The following BICC1 variants were observed in gnomAD, a reference collection of about 807,000 sequenced individuals.
The protein encoded by BICC1 is BicC family RNA binding protein 1.
In BICC1, 43 loss-of-function variants were observed where a neutral mutation model predicts 111.0. That is an observed-to-expected ratio of 0.39 (90% CI 0.30 to 0.50). The LOEUF is 0.50. BICC1 is among the 20% of genes least tolerant of loss of function. The pLI, the probability that BICC1 is intolerant of heterozygous loss-of-function variation, is 0.88. For missense variants in BICC1, 1,091 were observed against 1,203.2 expected, an observed-to-expected ratio of 0.91 and a Z score of 1.38; for synonymous variants, 467 against 434.4, an observed-to-expected ratio of 1.07 and a Z score of -0.93.
At chr10:58,592,196 T>A (rs911179105) in intron 1 of BICC1, among the ~76,000 whole-genome samples, 1 of 152,220 alleles carries the variant, frequency 6.6e-6, no homozygotes, top group African/African-American at 2.4e-5. Context: ...TGATGAGAAA[T>A]AACAAGCAGT....
At chr10:58,542,123 C>T (rs1442684516) in intron 1 of BICC1, among the ~76,000 whole-genome samples, 1 of 142,986 alleles carries the variant, frequency 7.0e-6, no homozygotes, top group African/African-American at 2.6e-5. Context: ...TGCACTCCAG[C>T]CCAGGTGACA....
intron 2 of BICC1, among the ~76,000 whole-genome samples, chr10:58,643,217 C>A (rs1045665894): frequency 1.3e-5 from 2 of 152,192 alleles, no homozygotes; most frequent in Non-Finnish European, 2.9e-5. Context: ...GATGATGTCA[C>A]TCTCAGATCG....
intron 3 of BICC1, among the ~76,000 whole-genome samples, chr10:58,752,682 A>G (rs1359354901): frequency 6.6e-6 from 1 of 152,202 alleles, no homozygotes; most frequent in African/African-American, 2.4e-5. Context: ...TCAAGAGCAC[A>G]TCTGCCCTGA....
intron 3 of BICC1, among the ~76,000 whole-genome samples, chr10:58,767,476 A>G (rs575904028): frequency 6.6e-6 from 1 of 152,230 alleles, no homozygotes; most frequent in East Asian, 1.9e-4. Flanking sequence ...GGAGATGACT[A>G]CTACTTCAGA....
At chr10:58,790,022 T>C in intron 8 of BICC1, 89 bp downstream of exon 8, 1 of 1,430,344 alleles carries the variant, frequency 7.0e-7, no homozygotes, top group Non-Finnish European at 9.5e-7. Context: ...ATGTGATATT[T>C]AGGAAAGCAC....
At chr10:58,737,128 G>T (rs1564583584) in intron 3 of BICC1, among the ~76,000 whole-genome samples, 1 of 151,568 alleles carries the variant, frequency 6.6e-6, no homozygotes, top group Non-Finnish European at 1.5e-5. Flanking sequence ...TAAGTTTTAG[G>T]GTACATGTGT....
At chr10:58,584,339 G>A (rs1429245109) in intron 1 of BICC1, among the ~76,000 whole-genome samples, 1 of 152,076 alleles carries the variant, frequency 6.6e-6, no homozygotes. Context: ...TGTGTTCTGA[G>A]CCCCCTTTTT....
At chr10:58,808,598 G>A (rs1056394863) in intron 17 of BICC1, among the ~76,000 whole-genome samples, 2 of 152,134 alleles carry the variant, frequency 1.3e-5, no homozygotes, top group African/African-American at 2.4e-5. Flanking sequence ...GTATAGCTTT[G>A]GTGAGGGACT....
At chr10:58,723,809 T>C (rs1239844259) in intron 3 of BICC1, among the ~76,000 whole-genome samples, 2 of 152,054 alleles carry the variant, frequency 1.3e-5, no homozygotes, top group African/African-American at 4.8e-5. Context: ...AGAGGTTGAG[T>C]GGTCTGGATT....
At chr10:58,780,438 G>T (rs1310479105) in intron 3 of BICC1, among the ~76,000 whole-genome samples, 2 of 152,138 alleles carry the variant, frequency 1.3e-5, no homozygotes, top group Non-Finnish European at 2.9e-5. Context: ...AATTTAGGGG[G>T]TTGAATCCTG....
chr10:58,633,368 A>G (rs1837856776), intron 2 of BICC1, among the ~76,000 whole-genome samples: 1 of 152,262 alleles, frequency 6.6e-6, no homozygotes, highest in African/African-American at 2.4e-5. Flanking sequence ...AGAATTAAAA[A>G]TGATAGCCAG....
chr10:58,673,672 A>C (rs957045714), intron 2 of BICC1, among the ~76,000 whole-genome samples: 4 of 151,952 alleles, frequency 2.6e-5, no homozygotes, highest in Non-Finnish European at 4.4e-5. Context: ...CACAGGCTGG[A>C]GTGCAGTGGC....
At chr10:58,659,378 A>G (rs1371526986) in intron 2 of BICC1, among the ~76,000 whole-genome samples, 1 of 152,336 alleles carries the variant, frequency 6.6e-6, no homozygotes, top group Non-Finnish European at 1.5e-5. Flanking sequence ...TGGTACATAT[A>G]CACCATGGAA....
intron 10 of BICC1, among the ~76,000 whole-genome samples, 164 bp downstream of exon 10, chr10:58,796,690 T>G (rs917964773): frequency 6.6e-6 from 1 of 152,222 alleles, no homozygotes; most frequent in Non-Finnish European, 1.5e-5. Flanking sequence ...ATTTTGGGGT[T>G]TCTTAGTCTC....
At chr10:58,801,338 G>A (rs1205689975) in intron 14 of BICC1, among the ~76,000 whole-genome samples, 1 of 152,094 alleles carries the variant, frequency 6.6e-6, no homozygotes, top group Non-Finnish European at 1.5e-5. Context: ...GTAATCAGCA[G>A]GGCCATTTTT....
intron 1 of BICC1, among the ~76,000 whole-genome samples, chr10:58,532,035 C>A (rs1166454242): frequency 1.3e-5 from 2 of 151,710 alleles, no homozygotes; most frequent in Non-Finnish European, 2.9e-5. Flanking sequence ...CCAAAACCTT[C>A]CAAATGTGAA....
At chr10:58,801,224 C>T (rs1843537851) in intron 14 of BICC1, among the ~76,000 whole-genome samples, 178 bp downstream of exon 14, 1 of 152,096 alleles carries the variant, frequency 6.6e-6, no homozygotes, top group Admixed American at 6.6e-5. Context: ...TCACCCTTCT[C>T]TGTCTTCTCT....
intron 13 of BICC1, 119 bp from the exon 14 acceptor site, chr10:58,800,771 C>G (rs1843519291): frequency 9.9e-7 from 1 of 1,006,784 alleles, no homozygotes; most frequent in Non-Finnish European, 1.4e-6. Context: ...GAAGAGGTCT[C>G]TGTCAGGTTA....
chr10:58,550,845 A>G (rs1041362652), intron 1 of BICC1, among the ~76,000 whole-genome samples: 7 of 152,028 alleles, frequency 4.6e-5, no homozygotes, highest in Non-Finnish European at 2.9e-5. Context: ...TTTGATTTTA[A>G]TTGGTATTAA....
Sources: gnomAD v4.1 joint callset for allele counts (sites outside exome capture counted in the v4.1 genomes callset) on GRCh38, gnomAD v4.1.1 for gene constraint, MANE v1.5 for transcripts, NCBI Gene and HGNC (gene_info 2026-07-23, HGNC 2026-07-21) for gene names.